Variants in PHTF1 observed in about 807,000 individuals in gnomAD.
The protein encoded by PHTF1 is protein PHTF1.
Under a neutral mutation model 102.4 loss-of-function variants are expected in PHTF1, and 88 were observed. The observed-to-expected ratio is 0.86, with a 90% CI of 0.72 to 1.03. PHTF1 has a LOEUF of 1.03. PHTF1 is among the 50% of genes least tolerant of loss of function. The pLI is 0.00. For synonymous variants in PHTF1, 289 were observed against 305.2 expected (o/e 0.95, Z 0.55); for missense variants, 814 against 909.5 (o/e 0.89, Z 1.35).
intron 3 of PHTF1, among the ~76,000 whole-genome samples, chr1:113,757,023 C>T (rs1302470636): frequency 2.0e-4 from 31 of 152,084 alleles, no homozygotes; most frequent in Admixed American, 1.1e-3. Context: ...AAAAATTAGC[C>T]GGGCGTGGTG....
intron 5 of PHTF1, among the ~76,000 whole-genome samples, chr1:113,736,109 G>A (rs1024610235): frequency 1.3e-5 from 2 of 152,178 alleles, no homozygotes; most frequent in African/African-American, 2.4e-5. Context: ...TTGGGAGACC[G>A]AGGCGGGCGG....
At chr1:113,753,164 G>A (rs1658338640) in intron 3 of PHTF1, among the ~76,000 whole-genome samples, 1 of 152,148 alleles carries the variant, frequency 6.6e-6, no homozygotes. Context: ...TGTAGAATTG[G>A]TTTTGTTAAT....
At chr1:113,733,702 T>A (rs1655054498) in intron 5 of PHTF1, among the ~76,000 whole-genome samples, 2 of 152,176 alleles carry the variant, frequency 1.3e-5, no homozygotes, top group Admixed American at 1.3e-4. Context: ...TGCTCTGATC[T>A]GAACTTTTCA....
chr1:113,701,826 T>TAAAAAAAAAAAAA lies in PHTF1; in HGVS notation c.1891-890_1891-878dup, dbSNP rs34844793. 1.5e-3 allele frequency among the ~76,000 whole-genome samples: 42 copies of TAAAAAAAAAAAAA among 28,000 alleles called. 3 individuals carry two copies. Among genetic ancestry groups the TAAAAAAAAAAAAA allele is most frequent in the Middle Eastern group, 0.031 (1 of 32 alleles). 18.4% of individuals were successfully genotyped at this position (28,000 alleles called of 152,430 possible). Reference sequence around the variant, plus strand: ...TGGCAACCTGGAATTCAATTCCTGGTAAAAAAAAAAAAAAAAAAAAAAAAA... The same window carrying TAAAAAAAAAAAAA: ...TGGCAACCTGGAATTCAATTCCTGGTAAAAAAAAAAAAAAAAAAAAAAAAAAAAAAAAAAAAAA... On this transcript the variant is annotated intron_variant, in intron 15 of 18. Transcript: ENST00000369604.
chr1:113,735,208 A>T (rs1359043770), intron 5 of PHTF1, among the ~76,000 whole-genome samples: 2 of 151,852 alleles, frequency 1.3e-5, no homozygotes, highest in Non-Finnish European at 2.9e-5. Context: ...TCTACTAAAA[A>T]TACAAAAATT....
In PHTF1 at chr1:113,712,025, C is replaced by G. The variant is rs764128375; in HGVS notation, c.872G>C (p.Arg291Pro). Residue 291 changes from arginine to proline, a missense_variant, in exon 9 of 19, where the codon CGT becomes CCT. By Grantham distance (103) the Arg-to-Pro change is moderately radical (BLOSUM62 -2). Coordinates refer to ENST00000369604, the MANE Select transcript of PHTF1 (RefSeq NM_001323043.2). ...ACTTGAGGCCCCTTCCACACTCCTA[C>G]GCAATAATATCATCTGTGTCCGTGC... is the stretch of plus-strand genomic sequence containing the variant. The part of the protein sequence containing the change: ...GEARTQMILL[R>P]RSVEGASSDN... 4 of 1,613,534 alleles carry G rather than the reference C, an allele frequency of 2.5e-6. No individual in the cohort carries two copies. The Admixed American group carries it at 6.7e-5, about 27-fold the overall frequency.
chr1:113,698,563 TAAG>T (rs539515875), intron 17 of PHTF1, among the ~76,000 whole-genome samples, 176 bp from the exon 18 acceptor site: 110 of 151,678 alleles, frequency 7.3e-4, no homozygotes, highest in African/African-American at 2.5e-3. Context: ...TTCTACTAAC[TAAG>T]ATTTTTTTAG....
rs915143664 is a variant in PHTF1, at chr1:113,731,013, G to C, written c.332-4439C>G. On this transcript the variant is annotated intron_variant, in intron 5 of 18. Transcript: ENST00000369604. The stretch of plus-strand genomic sequence containing the variant: ...TGGTGGTTGCCAGGGACGATGGGTA[G>C]GGGAAATAGGGAGTTTAATGGGTAT... 6.6e-5 allele frequency among the ~76,000 whole-genome samples: 10 copies of C among 152,268 alleles called. No homozygotes were observed. In the East Asian group the frequency reaches 1.9e-3, roughly 29 times the overall value.
chr1:113,759,683 C>G (rs1480160144), upstream of PHTF1, among the ~76,000 whole-genome samples: 1 of 152,262 alleles, frequency 6.6e-6, no homozygotes, highest in African/African-American at 2.4e-5. Context: ...GATCACCCTT[C>G]AGGCCTCAGC....
intron 11 of PHTF1, among the ~76,000 whole-genome samples, chr1:113,709,368 T>C (rs1474912390): frequency 6.6e-6 from 1 of 152,210 alleles, no homozygotes; most frequent in Non-Finnish European, 1.5e-5. Context: ...TCAAGAATAT[T>C]TGACAATTAA....
intron 11 of PHTF1, among the ~76,000 whole-genome samples, chr1:113,709,416 T>C (rs1480433279): frequency 6.6e-6 from 1 of 152,154 alleles, no homozygotes; most frequent in Non-Finnish European, 1.5e-5. Context: ...TGCAAGACAA[T>C]GTGGAAATAT....
At chr1:113,739,685 G>A (rs1379209578) in intron 3 of PHTF1, among the ~76,000 whole-genome samples, 1 of 152,114 alleles carries the variant, frequency 6.6e-6, no homozygotes, top group East Asian at 1.9e-4. Flanking sequence ...TTCCTATCTA[G>A]CTGTACTTTT....
chr1:113,754,673 A>G (rs1658582333), intron 3 of PHTF1, among the ~76,000 whole-genome samples: 1 of 152,190 alleles, frequency 6.6e-6, no homozygotes, highest in Non-Finnish European at 1.5e-5. Context: ...ATTGAGAATA[A>G]TAAGTACTAC....
chr1:113,750,315 C>T (rs1657863201), intron 3 of PHTF1, among the ~76,000 whole-genome samples: 2 of 152,070 alleles, frequency 1.3e-5, no homozygotes, highest in South Asian at 4.1e-4. Flanking sequence ...GTGTCAGTGT[C>T]ATCTATCATA....
At chr1:113,758,806 A>G in intron 1 of PHTF1, 73 bp from the exon 2 acceptor site, 1 of 1,503,988 alleles carries the variant, frequency 6.6e-7, no homozygotes, top group Non-Finnish European at 8.9e-7. Flanking sequence ...TAGGACGCGA[A>G]AACCGCTTCT....
intron 11 of PHTF1, 30 bp from the exon 12 acceptor site, chr1:113,706,752 TC>T (rs1650255684): frequency 3.2e-6 from 5 of 1,558,092 alleles, no homozygotes; most frequent in Non-Finnish European, 4.4e-6. Context: ...ATTGTTTCTA[TC>T]CATGCCCTCT....
chr1:113,757,259 A>G (rs1019963338), intron 3 of PHTF1, among the ~76,000 whole-genome samples: 5 of 152,218 alleles, frequency 3.3e-5, no homozygotes, highest in Admixed American at 1.3e-4. Flanking sequence ...TTCAGGCCAC[A>G]AATGGATTTT....
At chr1:113,734,840 C>T (rs1048169903) in intron 5 of PHTF1, among the ~76,000 whole-genome samples, 5 of 152,118 alleles carry the variant, frequency 3.3e-5, no homozygotes, top group African/African-American at 1.2e-4. Flanking sequence ...GCCCCTTCCA[C>T]CATGTGAGGA....
chr1:113,715,819 A>G (rs1429032262), intron 7 of PHTF1, among the ~76,000 whole-genome samples: 1 of 151,610 alleles, frequency 6.6e-6, no homozygotes, highest in Non-Finnish European at 1.5e-5. Context: ...TGCAACTGAC[A>G]TACTGAAGAA....
Sources: allele counts gnomAD v4.1 joint callset (sites outside exome capture counted in the v4.1 genomes callset), GRCh38; gene constraint gnomAD v4.1.1; transcripts MANE v1.5; gene names NCBI Gene and HGNC (gene_info 2026-07-23, HGNC 2026-07-21).